The following BMPR2 variants were observed in gnomAD, a reference collection of about 807,000 sequenced individuals.
BMPR2 encodes the protein bone morphogenetic protein receptor type-2.
Under a neutral mutation model 100.8 loss-of-function variants are expected in BMPR2, and 29 were observed. The observed-to-expected ratio is 0.29, with a 90% CI of 0.21 to 0.39. The LOEUF (loss-of-function observed/expected upper bound fraction) is 0.39, where lower values mean the gene tolerates loss of function less well. Ranked by LOEUF, BMPR2 falls within the 10% of genes least tolerant of loss-of-function variation. BMPR2 has a pLI of 1.00. For missense variants in BMPR2, 1,011 were observed against 1,274.5 expected, an observed-to-expected ratio of 0.79 and a Z score of 3.15; for synonymous variants, 382 against 442.3, an observed-to-expected ratio of 0.86 and a Z score of 1.71.
chr2:202,485,006 A>T (rs1344173000), intron 3 of BMPR2, among the ~76,000 whole-genome samples: 5 of 151,276 alleles, frequency 3.3e-5, no homozygotes, highest in African/African-American at 1.2e-4. Context: ...AGAAGAAAAA[A>T]AATAGAGATG....
At chr2:202,514,255 GCCT>G (rs1197076877) in intron 4 of BMPR2, among the ~76,000 whole-genome samples, 1 of 152,148 alleles carries the variant, frequency 6.6e-6, no homozygotes, top group Non-Finnish European at 1.5e-5. Flanking sequence ...TCCTGCCTCA[GCCT>G]CCTGAGTAGC....
At chr2:202,549,931 A>T (rs1688446070) in intron 10 of BMPR2, among the ~76,000 whole-genome samples, 1 of 151,934 alleles carries the variant, frequency 6.6e-6, no homozygotes, top group Admixed American at 6.6e-5. Context: ...GGGAGTACAG[A>T]GTCTCATTGT....
At chr2:202,537,412 TTGAA>T (rs1411806414) in intron 9 of BMPR2, among the ~76,000 whole-genome samples, 3 of 152,172 alleles carry the variant, frequency 2.0e-5, no homozygotes, top group Non-Finnish European at 4.4e-5. Flanking sequence ...TATTAAATGT[TTGAA>T]TAGGGAAAGG....
At chr2:202,461,781 A>C (rs953123506) in intron 1 of BMPR2, among the ~76,000 whole-genome samples, 3 of 152,148 alleles carry the variant, frequency 2.0e-5, no homozygotes, top group Admixed American at 2.0e-4. Flanking sequence ...AAAAAAGAAA[A>C]AATGACATCC....
Position 202,495,828 on chromosome 2 carries a change from A to G in BMPR2, c.419-17891A>G, listed in dbSNP as rs148519319. 7.2e-5 allele frequency among the ~76,000 whole-genome samples: 11 copies of G among 152,374 alleles called. No individual in the cohort carries two copies. In the East Asian group the frequency reaches 1.9e-3, roughly 27 times the overall value. On this transcript the variant is annotated intron_variant, in intron 3 of 12. Coordinates refer to ENST00000374580, the MANE Select transcript of BMPR2 (RefSeq NM_001204.7). The surrounding 1 kb of genome is among the most constrained non-coding windows in gnomAD (Gnocchi z 4.5). The stretch of plus-strand genomic sequence containing the variant: ...TGAATTAATGAATGTTTAATGTAAA[A>G]GTTTTGTTAAATTTTCTTTTATAAA...
intron 1 of BMPR2, among the ~76,000 whole-genome samples, chr2:202,403,055 G>T (rs1057319004): frequency 6.6e-6 from 1 of 150,986 alleles, no homozygotes; most frequent in Admixed American, 6.6e-5. Flanking sequence ...CTCAAACTCC[G>T]GACCTCAGGT....
At chr2:202,430,273 G>C (rs929116559) in intron 1 of BMPR2, among the ~76,000 whole-genome samples, 3 of 152,126 alleles carry the variant, frequency 2.0e-5, no homozygotes, top group Admixed American at 1.3e-4. Flanking sequence ...ATGAATTTTG[G>C]GGGAACACAG....
chr2:202,454,117 T>A (rs919959573), intron 1 of BMPR2, among the ~76,000 whole-genome samples: 1 of 152,188 alleles, frequency 6.6e-6, no homozygotes, highest in Non-Finnish European at 1.5e-5. Context: ...TCACCCAAGC[T>A]GGAGTGCAGT....
At chr2:202,471,440 C>T (rs1054186168) in intron 3 of BMPR2, among the ~76,000 whole-genome samples, 9 of 152,256 alleles carry the variant, frequency 5.9e-5, no homozygotes, top group Middle Eastern at 3.4e-3. Context: ...GAAAAATGGA[C>T]ACCTTGACCA....
At chr2:202,467,725 T>C in intron 3 of BMPR2, 36 bp downstream of exon 3, 1 of 1,574,812 alleles carries the variant, frequency 6.3e-7, no homozygotes, top group Non-Finnish European at 8.7e-7. Flanking sequence ...TGTATTTCCT[T>C]TCTCCAAAGA....
chr2:202,400,056 T>C (rs1690738364), intron 1 of BMPR2, among the ~76,000 whole-genome samples: 1 of 152,070 alleles, frequency 6.6e-6, no homozygotes, highest in Non-Finnish European at 1.5e-5. Flanking sequence ...CAAATCTGCA[T>C]TGAGCACAGA....
chr2:202,505,528 G>T (rs1478551485), intron 3 of BMPR2, among the ~76,000 whole-genome samples: 1 of 151,922 alleles, frequency 6.6e-6, no homozygotes, highest in Non-Finnish European at 1.5e-5. Context: ...TCTCTTATGA[G>T]CAACTTTTGT....
chr2:202,502,966 C>T (rs1687431552), intron 3 of BMPR2, among the ~76,000 whole-genome samples: 1 of 152,162 alleles, frequency 6.6e-6, no homozygotes, highest in Non-Finnish European at 1.5e-5. Flanking sequence ...CCTCTAGAAT[C>T]GAGGCCATCA....
intron 1 of BMPR2, among the ~76,000 whole-genome samples, chr2:202,428,912 G>A (rs62194089): frequency 0.073 from 11,181 of 152,140 alleles, 528 homozygotes; most frequent in Middle Eastern, 0.11. Flanking sequence ...TACTGGAAAG[G>A]GGTCTTGATC....
At chr2:202,395,244 A>T (rs980905323) in intron 1 of BMPR2, among the ~76,000 whole-genome samples, 1 of 152,216 alleles carries the variant, frequency 6.6e-6, no homozygotes, top group Non-Finnish European at 1.5e-5. Flanking sequence ...ACAATTTATC[A>T]CATTGACTTG....
intron 10 of BMPR2, among the ~76,000 whole-genome samples, chr2:202,550,947 CTTTTTTT>C (rs34364158): frequency 2.9e-5 from 2 of 68,310 alleles, no homozygotes; most frequent in Non-Finnish European, 5.2e-5. Flanking sequence ...AGCATATCAG[CTTTTTTT>C]TTTTTTTTTT....
At chr2:202,402,154 G>A (rs1052437030) in intron 1 of BMPR2, among the ~76,000 whole-genome samples, 2 of 152,180 alleles carry the variant, frequency 1.3e-5, no homozygotes, top group African/African-American at 4.8e-5. Context: ...GGTGGGAGGT[G>A]GAATAGGCCT....
chr2:202,527,735 C>T (rs967348953), intron 7 of BMPR2, among the ~76,000 whole-genome samples: 2 of 150,490 alleles, frequency 1.3e-5, no homozygotes, highest in East Asian at 2.0e-4. Context: ...TGCAGTGAGC[C>T]GACATTGCGC....
At chr2:202,391,195 C>T (rs1369808103) in intron 1 of BMPR2, among the ~76,000 whole-genome samples, 3 of 151,648 alleles carry the variant, frequency 2.0e-5, no homozygotes, top group African/African-American at 7.3e-5. Flanking sequence ...AGGCTGGTCT[C>T]GAACTCCTGA....
Sources: gnomAD v4.1 joint callset for allele counts (sites outside exome capture counted in the v4.1 genomes callset) on GRCh38, gnomAD v4.1.1 for gene constraint, Gnocchi (gnomAD v3.1) non-coding constraint, MANE v1.5 for transcripts, NCBI Gene and HGNC (gene_info 2026-07-23, HGNC 2026-07-21) for gene names.